Variants in PTPRG observed in about 807,000 individuals in gnomAD.
PTPRG encodes the protein protein tyrosine phosphatase receptor type G.
In PTPRG, 102 loss-of-function variants were observed where a neutral mutation model predicts 165.3. The ratio of observed to expected loss-of-function variants is 0.62; its 90% CI spans 0.53 to 0.73. The LOEUF is 0.73. Among genes scored for constraint, PTPRG ranks in the 30% least tolerant of loss-of-function variants. The probability of loss-of-function intolerance (pLI) is 0.00; values close to 1 mark genes in which losing one functional copy is unlikely to be tolerated. For missense variants in PTPRG, 1,866 were observed against 1,861.4 expected, an observed-to-expected ratio of 1.00 and a Z score of -0.05; for synonymous variants, 675 against 669.5, an observed-to-expected ratio of 1.01 and a Z score of -0.13.
At chr3:61,882,644 A>G (rs946948163) in intron 2 of PTPRG, among the ~76,000 whole-genome samples, 3 of 152,190 alleles carry the variant, frequency 2.0e-5, no homozygotes, top group Admixed American at 6.5e-5. Flanking sequence ...AATACCTTGC[A>G]CATCATGCTA....
intron 2 of PTPRG, among the ~76,000 whole-genome samples, chr3:61,837,296 C>T (rs1370908800): frequency 6.6e-6 from 1 of 152,218 alleles, no homozygotes; most frequent in East Asian, 1.9e-4. Context: ...GATCTGCCTG[C>T]CACAGCCACC....
intron 4 of PTPRG, among the ~76,000 whole-genome samples, chr3:62,015,825 C>T (rs6807754): frequency 0.15 from 23,222 of 152,008 alleles, 1,928 homozygotes; most frequent in Admixed American, 0.23. Flanking sequence ...AGAAGATGCT[C>T]GTGGAGGGGA....
intron 2 of PTPRG, among the ~76,000 whole-genome samples, chr3:61,901,660 C>T (rs549789263): frequency 1.2e-4 from 19 of 152,256 alleles, no homozygotes; most frequent in African/African-American, 3.9e-4. Flanking sequence ...TAATAGCATC[C>T]CAGATTCTTC....
intron 2 of PTPRG, among the ~76,000 whole-genome samples, chr3:61,818,682 G>T (rs886527648): frequency 6.6e-6 from 1 of 151,846 alleles, no homozygotes; most frequent in South Asian, 2.1e-4. Flanking sequence ...AGAAAAAAGG[G>T]AGAAAAGAAA....
At chr3:61,924,037 T>C (rs988991159) in intron 2 of PTPRG, among the ~76,000 whole-genome samples, 1 of 152,238 alleles carries the variant, frequency 6.6e-6, no homozygotes, top group Non-Finnish European at 1.5e-5. Context: ...GTTCTTATGC[T>C]ATAGAAAGCT....
intron 2 of PTPRG, among the ~76,000 whole-genome samples, chr3:61,858,431 C>A (rs1291285767): frequency 2.6e-5 from 4 of 152,092 alleles, no homozygotes; most frequent in Non-Finnish European, 5.9e-5. Context: ...TAAAAATGAG[C>A]ATAAATTTGC....
At chr3:61,738,257 T>TA (rs2032801755) in intron 1 of PTPRG, among the ~76,000 whole-genome samples, 1 of 2,648 alleles carries the variant, frequency 3.8e-4, no homozygotes, top group South Asian at 4.5e-3. Context: ...TTTGTCCATT[T>TA]TTATATATAT....
chr3:62,084,687 C>G lies in PTPRG; in HGVS notation c.615+6429C>G, dbSNP rs149840634. Among the ~76,000 whole-genome samples the G allele has an allele frequency of 1.5e-3, 226 of 152,296 alleles. 2 individuals carry two copies. The highest frequency in any genetic ancestry group is 0.014 in the South Asian group (69 of 4,826). Reference sequence around the variant, plus strand: ...ATCCAGGGCTGGCGAGGAAGCCTTTCTCTCCACTTCCCTGCATTTCACCTT... The same window carrying G: ...ATCCAGGGCTGGCGAGGAAGCCTTTGTCTCCACTTCCCTGCATTTCACCTT... On this transcript the variant is annotated intron_variant, in intron 5 of 29. Transcript: ENST00000474889.
chr3:62,202,458 A>G (rs916429048), intron 11 of PTPRG, among the ~76,000 whole-genome samples: 2 of 152,186 alleles, frequency 1.3e-5, no homozygotes, highest in Admixed American at 6.5e-5. Flanking sequence ...GCATTTGTTA[A>G]TTGGAATTCT....
At chr3:62,008,364 G>A (rs1362591678) in intron 4 of PTPRG, among the ~76,000 whole-genome samples, 1 of 152,178 alleles carries the variant, frequency 6.6e-6, no homozygotes, top group Non-Finnish European at 1.5e-5. Flanking sequence ...AGACTTACTG[G>A]TGCTTTATGA....
At chr3:62,100,995 C>T (rs940203656) in intron 5 of PTPRG, among the ~76,000 whole-genome samples, 9 of 152,020 alleles carry the variant, frequency 5.9e-5, no homozygotes, top group African/African-American at 1.9e-4. Flanking sequence ...ATCCAAAATG[C>T]TAAAGGAACA....
chr3:62,025,943 T>TTAA (rs2041794527), intron 4 of PTPRG, among the ~76,000 whole-genome samples: 1 of 152,208 alleles, frequency 6.6e-6, no homozygotes, highest in African/African-American at 2.4e-5. Context: ...TTTGAAAAGG[T>TTAA]TAATGGAAAT....
chr3:62,056,119 CG>C (rs1160345151), intron 4 of PTPRG, among the ~76,000 whole-genome samples: 5 of 152,126 alleles, frequency 3.3e-5, no homozygotes, highest in African/African-American at 1.2e-4. Flanking sequence ...GAATATTGTA[CG>C]TTTTAAAATT....
intron 2 of PTPRG, among the ~76,000 whole-genome samples, chr3:61,910,127 A>G (rs185971686): frequency 1.2e-4 from 19 of 152,204 alleles, no homozygotes; most frequent in African/African-American, 2.9e-4. Flanking sequence ...ATCAATGCCA[A>G]TTTTCAAAGT....
intron 1 of PTPRG, among the ~76,000 whole-genome samples, chr3:61,596,442 T>TTTG (rs34957174): frequency 0.88 from 133,903 of 151,646 alleles, 59,257 homozygotes; most frequent in Middle Eastern, 0.96. Flanking sequence ...TTCGGATGGA[T>TTTG]TTGTTGTTGT....
chr3:62,007,897 G>A (rs1489346299), intron 4 of PTPRG, among the ~76,000 whole-genome samples: 1 of 152,214 alleles, frequency 6.6e-6, no homozygotes, highest in Admixed American at 6.5e-5. Context: ...GCAAGATAAT[G>A]TCTCTTCTTC....
At chr3:62,291,830 G>T (rs1702909433) in intron 28 of PTPRG, among the ~76,000 whole-genome samples, 1 of 152,190 alleles carries the variant, frequency 6.6e-6, no homozygotes, top group East Asian at 1.9e-4. Context: ...AGACTTTTTT[G>T]TGAGGCAAAG....
intron 1 of PTPRG, among the ~76,000 whole-genome samples, chr3:61,571,921 C>A (rs544873447): frequency 6.6e-6 from 1 of 152,274 alleles, no homozygotes; most frequent in East Asian, 1.9e-4. Flanking sequence ...TTGGGCAAGA[C>A]CCTCAATTTC....
intron 9 of PTPRG, among the ~76,000 whole-genome samples, chr3:62,194,179 C>T (rs1393678720): frequency 2.6e-5 from 4 of 152,266 alleles, no homozygotes; most frequent in Middle Eastern, 3.4e-3. Flanking sequence ...AACAAATGGC[C>T]GTGGCTGTGC....
Sources: allele counts gnomAD v4.1 joint callset (sites outside exome capture counted in the v4.1 genomes callset), GRCh38; gene constraint gnomAD v4.1.1; transcripts MANE v1.5; gene names NCBI Gene and HGNC (gene_info 2026-07-23, HGNC 2026-07-21).